GALNT13: variants seen among roughly 807,000 people sequenced by gnomAD.
GALNT13 encodes UDP-GalNAc:polypeptide N-acetylgalactosaminyltransferase 13.
In GALNT13, 28 loss-of-function variants were observed where a neutral mutation model predicts 64.2. That is an observed-to-expected ratio of 0.44 (90% CI 0.32 to 0.60). The LOEUF is 0.60. Among genes scored for constraint, GALNT13 ranks in the 20% least tolerant of loss-of-function variants. The pLI, the probability that GALNT13 is intolerant of heterozygous loss-of-function variation, is 0.05. For synonymous variants in GALNT13, 214 were observed against 224.6 expected (o/e 0.95, Z 0.42); for missense variants, 577 against 669.8 (o/e 0.86, Z 1.53).
At chr2:153,254,803 T>C in the GALNT13 span, among the ~76,000 whole-genome samples, 4 of 152,210 alleles carry the variant, frequency 2.6e-5, no homozygotes, top group Admixed American at 6.5e-5. Context: ...TAATCCTGAG[T>C]TCTAGTTTGA....
At chr2:153,668,789 G>A in the GALNT13 span, among the ~76,000 whole-genome samples, 1 of 152,164 alleles carries the variant, frequency 6.6e-6, no homozygotes, top group African/African-American at 2.4e-5. Context: ...AGATGGCAAG[G>A]AGAGCTTCTT....
At chr2:154,079,581 T>C (rs796995720) in intron 3 of GALNT13, among the ~76,000 whole-genome samples, 12 of 151,714 alleles carry the variant, frequency 7.9e-5, no homozygotes, top group African/African-American at 2.9e-4. Flanking sequence ...AAATTTTATA[T>C]GCTGGACTAC....
the GALNT13 span, among the ~76,000 whole-genome samples, chr2:153,485,733 TA>T: frequency 6.6e-6 from 1 of 151,648 alleles, no homozygotes; most frequent in Non-Finnish European, 1.5e-5. Flanking sequence ...CCCATCTCTA[TA>T]AAAAAATAAA....
At chr2:153,321,964 G>A in the GALNT13 span, among the ~76,000 whole-genome samples, 94,252 of 149,550 alleles carry the variant, frequency 0.63, 30,425 homozygotes, top group Non-Finnish European at 0.73. Context: ...CATATTTTGT[G>A]TGTAAAGTTG....
At chr2:153,133,008 C>T in the GALNT13 span, among the ~76,000 whole-genome samples, 1 of 151,928 alleles carries the variant, frequency 6.6e-6, no homozygotes, top group Non-Finnish European at 1.5e-5. Flanking sequence ...CGGGCATGGG[C>T]CACTGTGCCA....
chr2:154,284,911 T>C (rs1692175025), intron 8 of GALNT13, among the ~76,000 whole-genome samples: 1 of 152,176 alleles, frequency 6.6e-6, no homozygotes, highest in South Asian at 2.1e-4. Flanking sequence ...ATCTTTTTTA[T>C]AATAGCCATT....
intron 2 of GALNT13, among the ~76,000 whole-genome samples, chr2:153,912,161 G>A (rs914700906): frequency 3.8e-4 from 57 of 151,750 alleles, no homozygotes; most frequent in African/African-American, 1.2e-3. Flanking sequence ...CAGTATTCAG[G>A]CTCTGAAATT....
chr2:154,419,690 C>T (rs1015725244), intron 11 of GALNT13, among the ~76,000 whole-genome samples: 4 of 151,982 alleles, frequency 2.6e-5, no homozygotes, highest in South Asian at 2.1e-4. Flanking sequence ...AAAACAGCTT[C>T]GTAAAAGTTC....
chr2:154,439,850 A>G (rs148082121), intron 12 of GALNT13, among the ~76,000 whole-genome samples: 30 of 152,224 alleles, frequency 2.0e-4, no homozygotes, highest in African/African-American at 6.3e-4. Flanking sequence ...TCTGGGCCAT[A>G]ATTGAGGGCA....
At chr2:154,332,824 C>A (rs1695239305) in intron 9 of GALNT13, among the ~76,000 whole-genome samples, 1 of 152,054 alleles carries the variant, frequency 6.6e-6, no homozygotes, top group Non-Finnish European at 1.5e-5. Context: ...GTGATAAAAG[C>A]AAATGAATGA....
chr2:154,215,278 A>C (rs1274071827), intron 4 of GALNT13, among the ~76,000 whole-genome samples: 1 of 152,086 alleles, frequency 6.6e-6, no homozygotes, highest in Non-Finnish European at 1.5e-5. Context: ...TTAATATACC[A>C]CTTCTATATG....
intron 2 of GALNT13, among the ~76,000 whole-genome samples, chr2:153,921,946 A>G (rs924745524): frequency 4.6e-5 from 7 of 152,290 alleles, no homozygotes; most frequent in African/African-American, 1.4e-4. Context: ...GATAAACATA[A>G]TTTAAATACG....
the GALNT13 span, among the ~76,000 whole-genome samples, chr2:153,221,206 G>A: frequency 1.3e-5 from 2 of 152,076 alleles, no homozygotes; most frequent in African/African-American, 2.4e-5. Context: ...GCTTGAACCC[G>A]GGAGGCGGAG....
At chr2:153,727,120 T>C in the GALNT13 span, among the ~76,000 whole-genome samples, 8 of 152,146 alleles carry the variant, frequency 5.3e-5, no homozygotes, top group Non-Finnish European at 1.2e-4. Context: ...TTTTCAGTTA[T>C]TGGATGTAGA....
rs59114913 is a variant in GALNT13, at chr2:154,411,317, TACACAC to T, written c.1395+2273_1395+2278del. Reference sequence around the variant, plus strand: ...TTCCATCTACATACTTAATTGCACATACACACACACACACACACACACACACACACA... The same window carrying T: ...TTCCATCTACATACTTAATTGCACATACACACACACACACACACACACACA... On this transcript the variant is annotated intron_variant, in intron 11 of 12. Transcript: ENST00000392825. 4.9e-3 allele frequency among the ~76,000 whole-genome samples: 729 copies of T among 147,872 alleles called. 2 individuals carry two copies. Among genetic ancestry groups the T allele is most frequent in the African/African-American group, 0.011 (427 of 39,886 alleles).
At chr2:153,374,271 T>C in the GALNT13 span, among the ~76,000 whole-genome samples, 1 of 152,218 alleles carries the variant, frequency 6.6e-6, no homozygotes. Context: ...CTGTTAGCCA[T>C]CCAAACAAGT....
At chr2:154,324,350 A>T (rs889237537) in intron 9 of GALNT13, among the ~76,000 whole-genome samples, 1 of 151,970 alleles carries the variant, frequency 6.6e-6, no homozygotes, top group Non-Finnish European at 1.5e-5. Flanking sequence ...CAAAGGGTAT[A>T]ATTTTGTTTT....
At chr2:153,699,836 G>C in the GALNT13 span, among the ~76,000 whole-genome samples, 1 of 152,126 alleles carries the variant, frequency 6.6e-6, no homozygotes, top group Non-Finnish European at 1.5e-5. Flanking sequence ...TTCTGAAATT[G>C]AGGCAGTGTT....
chr2:153,173,492 G>A, the GALNT13 span, among the ~76,000 whole-genome samples: 1 of 152,064 alleles, frequency 6.6e-6, no homozygotes, highest in Non-Finnish European at 1.5e-5. Context: ...TCATTATATG[G>A]CTGTCTTCAC....
Sources: gnomAD v4.1 joint callset for allele counts (sites outside exome capture counted in the v4.1 genomes callset) on GRCh38, gnomAD v4.1.1 for gene constraint, MANE v1.5 for transcripts, NCBI Gene and HGNC (gene_info 2026-07-23, HGNC 2026-07-21) for gene names.